CXCL5: variants seen among roughly 807,000 people sequenced by gnomAD.
CXCL5 encodes the protein C-X-C motif chemokine 5.
In CXCL5, 13 loss-of-function variants were observed where a neutral mutation model predicts 12.1. The ratio of observed to expected loss-of-function variants is 1.08; its 90% CI spans 0.70 to 1.71. The LOEUF (loss-of-function observed/expected upper bound fraction) is 1.71. Among genes scored for constraint, CXCL5 ranks in the 40% most tolerant of loss-of-function variants. The probability of loss-of-function intolerance (pLI) is 0.00; values close to 1 mark genes in which losing one functional copy is unlikely to be tolerated. For synonymous variants in CXCL5, 67 were observed against 59.0 expected (o/e 1.14, Z -0.62); for missense variants, 159 against 142.4 (o/e 1.12, Z -0.59).
Position 73,998,615 on chromosome 4 carries a change from T to C in CXCL5, c.-34A>G, listed in dbSNP as rs1719256866. ...AGAGAGCGCTGCGAGCGGTCGCGGG[T>C]TCCTGAACTGGGTGGAGGAGCGGAG... On this transcript the variant is annotated 5_prime_UTR_variant, in exon 1 of 4. Transcript: ENST00000296027. 1.3e-6 allele frequency: 2 copies of C among 1,542,922 alleles called. No individual in the cohort carries two copies. The highest frequency in any genetic ancestry group is 8.8e-7 in the Non-Finnish European group (1 of 1,137,728).
In CXCL5 at chr4:73,997,453, CAA is replaced by C. The variant is rs1719219736; in HGVS notation, c.*182_*183del. The stretch of plus-strand genomic sequence containing the variant: ...TTAGCTGAGCTGAAAGCTTAAGCGG[CAA>C]ACATAGGTTTTCCTCACACTCTTCA... On this transcript the variant is annotated 3_prime_UTR_variant, in exon 4 of 4. Transcript: ENST00000296027. 1.7e-6 allele frequency: 1 copy of C among 578,662 alleles called. No individual in the cohort carries two copies. Among genetic ancestry groups the C allele is most frequent in the Admixed American group, 3.5e-5 (1 of 28,842 alleles). 35.8% of individuals were successfully genotyped at this position (578,662 alleles called of 1,614,324 possible).
In CXCL5 at chr4:73,997,639, A is replaced by T. The variant is rs201478344; in HGVS notation, c.343T>A (p.Ter115ArgextTer23). The T allele has an allele frequency of 3.7e-6, 6 of 1,610,114 alleles. No individual in the cohort carries two copies. In the South Asian group the frequency reaches 5.5e-5, roughly 15 times the overall value. Reference sequence around the variant, plus strand: ...CCATGCGTGCTCATTTCTCTTAATCAGTTTTCCTTGTTTCCACTGTTGAGA... The same window carrying T: ...CCATGCGTGCTCATTTCTCTTAATCTGTTTTCCTTGTTTCCACTGTTGAGA... ...KILDGGNKEN[*>R] The change falls in exon 4 of 4, where the codon TGA becomes AGA. Residue 115 changes from the stop codon to arginine, a stop_lost. Coordinates refer to ENST00000296027, the MANE Select transcript of CXCL5 (RefSeq NM_002994.5).
Position 73,998,288 on chromosome 4 carries a change from T to C in CXCL5, c.160A>G (p.Thr54Ala). ...ATTTTGGGATGAACTCCTTGCGTGGTCTGTAAACAAACGCAACGCAGCTCT... is the reference window on the plus strand; with the variant it reads ...ATTTTGGGATGAACTCCTTGCGTGGCCTGTAAACAAACGCAACGCAGCTCT... Reference protein sequence around the residue: ...LRELRCVCLQTTQGVHPKMIS... With the variant: ...LRELRCVCLQATQGVHPKMIS... Residue 54 changes from threonine (T) to alanine (A), a missense_variant, in exon 2 of 4, where the codon ACC becomes GCC. By Grantham distance (58) the Thr-to-Ala change is moderately conservative. Coordinates refer to ENST00000296027, the MANE Select transcript of CXCL5 (RefSeq NM_002994.5). 19 of 1,614,124 alleles carry C rather than the reference T, an allele frequency of 1.2e-5. No homozygotes were observed. The highest frequency in any genetic ancestry group is 1.5e-5 in the Non-Finnish European group (18 of 1,180,018).
intron 2 of CXCL5, 50 bp from the exon 3 acceptor site, chr4:73,998,145 C>G: frequency 6.2e-7 from 1 of 1,613,924 alleles, no homozygotes. Flanking sequence ...AGGTTGAAGA[C>G]CCAGGCTGCG....
rs1173812286 is a variant in CXCL5, at chr4:73,996,849, A to T, written c.*788T>A. The T allele has an allele frequency of 6.6e-6, 1 of 152,248 alleles. No homozygotes were observed. Among genetic ancestry groups the T allele is most frequent in the African/African-American group, 2.4e-5 (1 of 41,422 alleles). The allele number at this position is 152,248 out of a possible 1,614,324, so 9.4% of individuals were successfully genotyped here. A position where few individuals can be genotyped will look rare whatever the true frequency, so the allele number is the denominator to read the frequency against. On this transcript the variant is annotated 3_prime_UTR_variant, in exon 4 of 4. Transcript: ENST00000296027. Reference sequence around the variant, plus strand: ...GTTTTCTAGCTTCTTCATCTATCTAAAATATATATTTAGCTACCAGAATTA... The same window carrying T: ...GTTTTCTAGCTTCTTCATCTATCTATAATATATATTTAGCTACCAGAATTA...
chr4:73,997,520 C>T lies in CXCL5; in HGVS notation c.*117G>A. 2.4e-6 allele frequency: 2 copies of T among 818,242 alleles called. No homozygotes were observed. The highest frequency in any genetic ancestry group is 4.0e-6 in the Non-Finnish European group (2 of 501,860). The allele number at this position is 818,242 out of a possible 1,614,324, so 50.7% of individuals were successfully genotyped here. A position where few individuals can be genotyped will look rare whatever the true frequency, so the allele number is the denominator to read the frequency against. On this transcript the variant is annotated 3_prime_UTR_variant, in exon 4 of 4. Coordinates refer to ENST00000296027, the MANE Select transcript of CXCL5 (RefSeq NM_002994.5). ...GGAAGAAAGCTAACTACTGGAAAAACAAATAAACAAACAACAACAAAATCT... is the reference window on the plus strand; with the variant it reads ...GGAAGAAAGCTAACTACTGGAAAAATAAATAAACAAACAACAACAAAATCT...
chr4:73,998,135 A>C (rs1322238940), intron 2 of CXCL5, 40 bp from the exon 3 acceptor site: 1 of 1,613,840 alleles, frequency 6.2e-7, no homozygotes, highest in Non-Finnish European at 8.5e-7. Flanking sequence ...TGAGATACCA[A>C]GGTTGAAGAC....
Position 73,997,673 on chromosome 4 carries a change from A to T in CXCL5, c.327-18T>A, listed in dbSNP as rs200824893. The T allele has an allele frequency of 3.1e-6, 5 of 1,594,086 alleles. No homozygotes were observed. The Admixed American group carries it at 8.5e-5, about 27-fold the overall frequency. On this transcript the variant is annotated intron_variant, in intron 3 of 3. Transcript: ENST00000296027. ...TGTTTCCACTGTTGAGAAAAATGTTATATTAGTTTAACCATTTTTCACACT... is the reference window on the plus strand; with the variant it reads ...TGTTTCCACTGTTGAGAAAAATGTTTTATTAGTTTAACCATTTTTCACACT...
At position 73,996,915 on chromosome 4, in the gene CXCL5, T is replaced by G. The variant is rs1719206378; in HGVS notation, c.*722A>C. The stretch of plus-strand genomic sequence containing the variant: ...AATACTTAATAAATAGCATATAAAA[T>G]CAAAGTTTAAAAGTAAATGATGGCA... On this transcript the variant is annotated 3_prime_UTR_variant, in exon 4 of 4. Transcript: ENST00000296027. The G allele has an allele frequency of 6.6e-6, 1 of 152,126 alleles. No homozygotes were observed. Among genetic ancestry groups the G allele is most frequent in the Admixed American group, 6.5e-5 (1 of 15,278 alleles). The allele number at this position is 152,126 out of a possible 1,614,324, so 9.4% of individuals were successfully genotyped here.
Position 73,995,708 on chromosome 4 carries a change from A to G in CXCL5, c.*1929T>C, listed in dbSNP as rs1719174948. ...TAAAGACTATGAACCAATGAGACAC[A>G]TAGTAAAAAAGTACAATTTTAATAT... is the stretch of plus-strand genomic sequence containing the variant. On this transcript the variant is annotated 3_prime_UTR_variant, in exon 4 of 4. Transcript: ENST00000296027. 6.6e-6 allele frequency: 1 copy of G among 151,926 alleles called. No homozygotes were observed. The highest frequency in any genetic ancestry group is 2.4e-5 in the African/African-American group (1 of 41,410). 9.4% of individuals were successfully genotyped at this position (151,926 alleles called of 1,614,324 possible). A position where few individuals can be genotyped will look rare whatever the true frequency, so the allele number is the denominator to read the frequency against.
rs373774200 is a variant in CXCL5 at position 73,997,607 on chromosome 4, A to G, written c.*30T>C. 3.8e-6 allele frequency: 6 copies of G among 1,595,548 alleles called. No homozygotes were observed. The highest frequency in any genetic ancestry group is 4.3e-6 in the Non-Finnish European group (5 of 1,167,508). The stretch of plus-strand genomic sequence containing the variant: ...AAAACTTCTCTGCTGAAGACTGGGA[A>G]ACTTTTCCATGCGTGCTCATTTCTC... On this transcript the variant is annotated 3_prime_UTR_variant, in exon 4 of 4. Coordinates refer to ENST00000296027, the MANE Select transcript of CXCL5 (RefSeq NM_002994.5).
rs1489034730 is a variant in CXCL5 at position 73,995,853 on chromosome 4, A to G, written c.*1784T>C. 1.3e-5 allele frequency: 2 copies of G among 148,340 alleles called. No individual in the cohort carries two copies. The highest frequency in any genetic ancestry group is 4.9e-5 in the African/African-American group (2 of 40,852). The allele number at this position is 148,340 out of a possible 1,614,324, so 9.2% of individuals were successfully genotyped here. The stretch of plus-strand genomic sequence containing the variant: ...TATATAATATATATTATATATAAAT[A>G]TATAATATATAAATACATACGTTTT... On this transcript the variant is annotated 3_prime_UTR_variant, in exon 4 of 4. Transcript: ENST00000296027.
chr4:73,998,435 C>CCGAGTG, intron 1 of CXCL5, 38 bp downstream of exon 1: 1 of 1,607,612 alleles, frequency 6.2e-7, no homozygotes, highest in Non-Finnish European at 8.5e-7. Context: ...ACCTCTGTGC[C>CCGAGTG]CGAGTGCGAG....
chr4:73,997,479 C>T lies in CXCL5; in HGVS notation c.*158G>A. The T allele has an allele frequency of 1.5e-6, 1 of 647,400 alleles. No homozygotes were observed. Among genetic ancestry groups the T allele is most frequent in the East Asian group, 2.6e-5 (1 of 37,902 alleles). The allele number at this position is 647,400 out of a possible 1,614,324, so 40.1% of individuals were successfully genotyped here. A position where few individuals can be genotyped will look rare whatever the true frequency, so the allele number is the denominator to read the frequency against. On this transcript the variant is annotated 3_prime_UTR_variant, in exon 4 of 4. Coordinates refer to ENST00000296027, the MANE Select transcript of CXCL5 (RefSeq NM_002994.5). ...AAACATAGGTTTTCCTCACACTCTT[C>T]AAAGTGAGGAATCCAGGAAGAAAGC...
rs1369732963 is a variant in CXCL5 at position 73,995,812 on chromosome 4, G to C, written c.*1825C>G. On this transcript the variant is annotated 3_prime_UTR_variant, in exon 4 of 4. Coordinates refer to ENST00000296027, the MANE Select transcript of CXCL5 (RefSeq NM_002994.5). ...AAGATACACAATAGGCATCTAAAAAGCTCAGCAATGCTAAATATATAATAT... is the reference window on the plus strand; with the variant it reads ...AAGATACACAATAGGCATCTAAAAACCTCAGCAATGCTAAATATATAATAT... 1 of 148,210 alleles carries C rather than the reference G, an allele frequency of 6.7e-6. No homozygotes were observed. The highest frequency in any genetic ancestry group is 1.5e-5 in the Non-Finnish European group (1 of 67,240). The allele number at this position is 148,210 out of a possible 1,614,324, so 9.2% of individuals were successfully genotyped here.
rs552670640 is a variant in CXCL5, at chr4:73,996,824, G to C, written c.*813C>G. The C allele has an allele frequency of 6.6e-6, 1 of 152,420 alleles. No homozygotes were observed. The highest frequency in any genetic ancestry group is 2.1e-4 in the South Asian group (1 of 4,820). The allele number at this position is 152,420 out of a possible 1,614,324, so 9.4% of individuals were successfully genotyped here. A position where few individuals can be genotyped will look rare whatever the true frequency, so the allele number is the denominator to read the frequency against. Reference sequence around the variant, plus strand: ...TAAACTAGCAGTCAGGAATTTGCCTGTTTTCTAGCTTCTTCATCTATCTAA... The same window carrying C: ...TAAACTAGCAGTCAGGAATTTGCCTCTTTTCTAGCTTCTTCATCTATCTAA... On this transcript the variant is annotated 3_prime_UTR_variant, in exon 4 of 4. Coordinates refer to ENST00000296027, the MANE Select transcript of CXCL5 (RefSeq NM_002994.5).
rs1719178536 is a variant in CXCL5 at position 73,995,821 on chromosome 4, T to TGCTAAATATATAATATATATTATA, written c.*1792_*1815dup. The stretch of plus-strand genomic sequence containing the variant: ...AATAGGCATCTAAAAAGCTCAGCAA[T>TGCTAAATATATAATATATATTATA]GCTAAATATATAATATATATTATAT... On this transcript the variant is annotated 3_prime_UTR_variant, in exon 4 of 4. Coordinates refer to ENST00000296027, the MANE Select transcript of CXCL5 (RefSeq NM_002994.5). 2.0e-5 allele frequency: 3 copies of TGCTAAATATATAATATATATTATA among 148,336 alleles called. No homozygotes were observed. The highest frequency in any genetic ancestry group is 1.5e-5 in the Non-Finnish European group (1 of 67,242). The allele number at this position is 148,336 out of a possible 1,614,324, so 9.2% of individuals were successfully genotyped here.
Position 73,996,820 on chromosome 4 carries a change from G to C in CXCL5, c.*817C>G, listed in dbSNP as rs200719338. ...TATATAAACTAGCAGTCAGGAATTT[G>C]CCTGTTTTCTAGCTTCTTCATCTAT... On this transcript the variant is annotated 3_prime_UTR_variant, in exon 4 of 4. Coordinates refer to ENST00000296027, the MANE Select transcript of CXCL5 (RefSeq NM_002994.5). 6.6e-6 allele frequency: 1 copy of C among 152,304 alleles called. No individual in the cohort carries two copies. The highest frequency in any genetic ancestry group is 1.5e-5 in the Non-Finnish European group (1 of 67,992). 9.4% of individuals were successfully genotyped at this position (152,304 alleles called of 1,614,324 possible).
At position 73,997,885 on chromosome 4, in the gene CXCL5, A is replaced by G; in HGVS notation, c.326+127T>C. On this transcript the variant is annotated intron_variant, in intron 3 of 3. Coordinates refer to ENST00000296027, the MANE Select transcript of CXCL5 (RefSeq NM_002994.5). ...AGGACAATCCAGAAAAACTTTCCCA[A>G]TTCAACAACCTTTTAATTCTAAACA... 3 of 1,011,324 alleles carry G rather than the reference A, an allele frequency of 3.0e-6. No individual in the cohort carries two copies. In the Admixed American group the frequency reaches 6.9e-5, roughly 23 times the overall value. 62.6% of individuals were successfully genotyped at this position (1,011,324 alleles called of 1,614,324 possible).
Sources: allele counts gnomAD v4.1 joint callset, GRCh38; gene constraint gnomAD v4.1.1; transcripts MANE v1.5; gene names NCBI Gene and HGNC (gene_info 2026-07-23, HGNC 2026-07-21).